Variants in ZNF365 observed in about 807,000 individuals in gnomAD.
The protein encoded by ZNF365 is protein ZNF365.
In ZNF365, 22 loss-of-function variants were observed where a neutral mutation model predicts 35.0. The ratio of observed to expected loss-of-function variants is 0.63; its 90% CI spans 0.45 to 0.90. ZNF365 has a LOEUF of 0.90. Ranked by LOEUF, ZNF365 falls within the 40% of genes least tolerant of loss-of-function variation. The pLI, the probability that ZNF365 is intolerant of heterozygous loss-of-function variation, is 0.00. For synonymous variants in ZNF365, 188 were observed against 196.2 expected, an observed-to-expected ratio of 0.96 and a Z score of 0.35; for missense variants, 448 against 500.3, an observed-to-expected ratio of 0.90 and a Z score of 1.00.
intron 4 of ZNF365, chr10:62,479,871 A>T: frequency 6.2e-7 from 1 of 1,607,498 alleles, no homozygotes; most frequent in Admixed American, 1.7e-5. Flanking sequence ...GGCTTTTATG[A>T]CTAGGAGTCT....
At position 62,475,903 on chromosome 10, in the gene ZNF365, GCTGC is replaced by G. The variant is rs543947759; in HGVS notation, c.982-3970_982-3967del. Among the ~76,000 whole-genome samples, 18 of 152,286 alleles carry G rather than the reference GCTGC, an allele frequency of 1.2e-4. No homozygotes were observed. The South Asian group carries it at 3.7e-3, about 32-fold the overall frequency. On this transcript the variant is annotated intron_variant, in intron 4 of 4. Coordinates refer to the ZNF365 transcript ENST00000395255. The stretch of plus-strand genomic sequence containing the variant: ...TTTCTAGAAAGTTAGCAGACTCTTG[GCTGC>G]CTAAAACTTCAATTTGATTTGTATT...
At chr10:62,439,962 G>C (rs1840469354) in intron 3 of ZNF365, among the ~76,000 whole-genome samples, 1 of 152,118 alleles carries the variant, frequency 6.6e-6, no homozygotes, top group South Asian at 2.1e-4. Flanking sequence ...TGTGCAATCT[G>C]CATGTTTTTC....
intron 3 of ZNF365, among the ~76,000 whole-genome samples, chr10:62,421,463 GT>G (rs1275865256): frequency 2.0e-5 from 3 of 152,112 alleles, no homozygotes; most frequent in South Asian, 2.1e-4. Flanking sequence ...AGTTAAGCGG[GT>G]GGGCTTTAGA....
chr10:62,449,276 AT>A (rs1350199577), intron 3 of ZNF365, among the ~76,000 whole-genome samples: 1 of 152,090 alleles, frequency 6.6e-6, no homozygotes, highest in Non-Finnish European at 1.5e-5. Flanking sequence ...CTCTTTGGTG[AT>A]TTCTATAAAA....
rs557756808 is a variant in ZNF365 at position 62,439,165 on chromosome 10, T to G, written c.925-20576T>G. Among the ~76,000 whole-genome samples the G allele has an allele frequency of 2.0e-5, 3 of 152,294 alleles. No individual in the cohort carries two copies. In the South Asian group the frequency reaches 6.2e-4, roughly 32 times the overall value. ...TCCCACTTTCTTAGTTTTTCTCCCT[T>G]ACTTGAAATCTCCTTCATCTTTACC... On this transcript the variant is annotated intron_variant, in intron 3 of 4. Coordinates refer to the ZNF365 transcript ENST00000395255.
At chr10:62,448,462 C>T (rs10822007) in intron 3 of ZNF365, among the ~76,000 whole-genome samples, 66,224 of 152,022 alleles carry the variant, frequency 0.44, 17,472 homozygotes, top group Middle Eastern at 0.61. Flanking sequence ...AAAATAATGT[C>T]GAAAGTATTG....
At chr10:62,465,358 G>A (rs1435780129) in intron 4 of ZNF365, among the ~76,000 whole-genome samples, 1 of 152,150 alleles carries the variant, frequency 6.6e-6, no homozygotes. Context: ...CCTTTGATGT[G>A]GACAGCCTGG....
intron 3 of ZNF365, among the ~76,000 whole-genome samples, chr10:62,456,835 C>T (rs930634961): frequency 4.2e-5 from 6 of 143,618 alleles, no homozygotes; most frequent in African/African-American, 8.6e-5. Flanking sequence ...CACACACGTG[C>T]GCACACATGC....
chr10:62,410,994 T>C (rs1005502386), intron 3 of ZNF365, among the ~76,000 whole-genome samples: 5 of 152,176 alleles, frequency 3.3e-5, no homozygotes, highest in Non-Finnish European at 5.9e-5. Context: ...CAGTGTATCA[T>C]TGTGGTTTTG....
chr10:62,440,958 A>G (rs562744639), intron 3 of ZNF365, among the ~76,000 whole-genome samples: 53 of 152,346 alleles, frequency 3.5e-4, no homozygotes, highest in Admixed American at 5.9e-4. Flanking sequence ...TTTCCCTCAC[A>G]AAAGAGAAAA....
rs372693522 is a variant in ZNF365 at position 62,408,415 on chromosome 10, G to A, written c.924+19839G>A. Among the ~76,000 whole-genome samples, 6 of 152,206 alleles carry A rather than the reference G, an allele frequency of 3.9e-5. No individual in the cohort carries two copies. In the South Asian group the frequency reaches 6.2e-4, roughly 16 times the overall value. On this transcript the variant is annotated intron_variant, in intron 3 of 4. Transcript: ENST00000395255. Reference sequence around the variant, plus strand: ...TAACCTATCTAATAGAAACAGATAGGTATTAACATATCTAAAGAAAGACAT... The same window carrying A: ...TAACCTATCTAATAGAAACAGATAGATATTAACATATCTAAAGAAAGACAT...
At chr10:62,465,380 G>A (rs978841403) in intron 4 of ZNF365, among the ~76,000 whole-genome samples, 4 of 152,140 alleles carry the variant, frequency 2.6e-5, no homozygotes, top group Non-Finnish European at 4.4e-5. Context: ...CGCTGTGGAT[G>A]GCACGTTGAT....
intron 3 of ZNF365, among the ~76,000 whole-genome samples, chr10:62,413,330 GA>G (rs1292048618): frequency 6.6e-6 from 1 of 152,138 alleles, no homozygotes; most frequent in Non-Finnish European, 1.5e-5. Flanking sequence ...TTACGACAAT[GA>G]AAATGTGCAT....
At chr10:62,472,444 C>T (rs1035613280) in intron 4 of ZNF365, among the ~76,000 whole-genome samples, 1 of 152,062 alleles carries the variant, frequency 6.6e-6, no homozygotes, top group African/African-American at 2.4e-5. Context: ...AGACCTTAAC[C>T]CAATGTCACA....
At chr10:62,433,012 A>G (rs139087956) in intron 3 of ZNF365, among the ~76,000 whole-genome samples, 22 of 152,276 alleles carry the variant, frequency 1.4e-4, no homozygotes, top group African/African-American at 5.3e-4. Context: ...CAGCAAAACC[A>G]CTCCACACTT....
intron 3 of ZNF365, among the ~76,000 whole-genome samples, chr10:62,457,152 G>A (rs116301317): frequency 2.5e-3 from 382 of 152,230 alleles, no homozygotes; most frequent in African/African-American, 9.0e-3. Context: ...TGATGACAGA[G>A]GCACAAGAGT....
At chr10:62,382,440 C>G (rs1038327979) in intron 2 of ZNF365, among the ~76,000 whole-genome samples, 1 of 152,182 alleles carries the variant, frequency 6.6e-6, no homozygotes, top group African/African-American at 2.4e-5. Flanking sequence ...ACGTGTCAAG[C>G]ATATCCTCTC....
intron 3 of ZNF365, among the ~76,000 whole-genome samples, chr10:62,393,143 C>T (rs10995143): frequency 0.46 from 69,749 of 151,830 alleles, 19,418 homozygotes; most frequent in East Asian, 0.71. Context: ...GAGGCTATAG[C>T]GCGTACTGAG....
intron 3 of ZNF365, among the ~76,000 whole-genome samples, chr10:62,411,980 GA>G (rs958357360): frequency 6.6e-6 from 1 of 151,808 alleles, no homozygotes; most frequent in African/African-American, 2.4e-5. Context: ...CAGAAGACAA[GA>G]AAAAGAGAAA....
Sources: allele counts gnomAD v4.1 joint callset (sites outside exome capture counted in the v4.1 genomes callset), GRCh38; gene constraint gnomAD v4.1.1; transcripts MANE v1.5; gene names NCBI Gene and HGNC (gene_info 2026-07-23, HGNC 2026-07-21).